The following PALB2 variants were observed in gnomAD, a reference collection of about 807,000 sequenced individuals.
PALB2 encodes partner and localizer of BRCA2, also known as mutant partner and localizer of BRCA2.
PALB2 carries 82 observed loss-of-function variants against 107.4 expected under a neutral mutation model. That is an observed-to-expected ratio of 0.76 (90% CI 0.64 to 0.92). The LOEUF (loss-of-function observed/expected upper bound fraction) is 0.92, where lower values mean the gene tolerates loss of function less well. Ranked by LOEUF, PALB2 falls within the 40% of genes least tolerant of loss-of-function variation. PALB2 has a pLI of 0.00. For synonymous variants in PALB2, 489 were observed against 496.8 expected, an observed-to-expected ratio of 0.98 and a Z score of 0.21; for missense variants, 1,374 against 1,379.9, an observed-to-expected ratio of 1.00 and a Z score of 0.07.
intron 11 of PALB2, among the ~76,000 whole-genome samples, chr16:23,609,457 T>C (rs1359824948): frequency 6.6e-6 from 1 of 152,126 alleles, no homozygotes; most frequent in Non-Finnish European, 1.5e-5. Flanking sequence ...TTTAAAAATG[T>C]TAAATGCTAT....
intron 10 of PALB2, among the ~76,000 whole-genome samples, chr16:23,614,792 AG>A (rs1160941815): frequency 1.0e-4 from 15 of 149,090 alleles, no homozygotes; most frequent in Non-Finnish European, 2.2e-4. Flanking sequence ...CTGGGACTAC[AG>A]GCGCCCGCCA....
At chr16:23,625,732 G>C (rs1966841290) in intron 7 of PALB2, among the ~76,000 whole-genome samples, 1 of 151,748 alleles carries the variant, frequency 6.6e-6, no homozygotes, top group Non-Finnish European at 1.5e-5. Flanking sequence ...GGGCGGCAGA[G>C]GTTGACAGTG....
intron 10 of PALB2, among the ~76,000 whole-genome samples, chr16:23,619,049 T>C (rs1966729029): frequency 6.6e-6 from 1 of 151,368 alleles, no homozygotes; most frequent in Non-Finnish European, 1.5e-5. Context: ...CACCATAGTG[T>C]TTAAAAAAAA....
chr16:23,614,126 C>A lies in PALB2; in HGVS notation c.3114-35G>T, dbSNP rs1342277876. On this transcript the variant is annotated intron_variant, in intron 10 of 12. Transcript: ENST00000261584. ...CAAAAATAAATAAGCTGATCACATT[C>A]TTCCAACAAACCAGTTTTCAGAAAA... 3.5e-6 allele frequency: 5 copies of A among 1,442,580 alleles called. No homozygotes were observed. The East Asian group carries it at 1.1e-4, about 33-fold the overall frequency. The allele number at this position is 1,442,580 out of a possible 1,614,324, so 89.4% of individuals were successfully genotyped here. A position where few individuals can be genotyped will look rare whatever the true frequency, so the allele number is the denominator to read the frequency against.
intron 6 of PALB2, among the ~76,000 whole-genome samples, chr16:23,628,263 A>G (rs1966850872): frequency 6.6e-6 from 1 of 152,246 alleles, no homozygotes; most frequent in Non-Finnish European, 1.5e-5. Flanking sequence ...AATTGACTCA[A>G]GAATAAATTC....
At position 23,636,271 on chromosome 16, in the gene PALB2, G is replaced by C. The variant is rs2142447179; in HGVS notation, c.275C>G (p.Thr92Ser). ...AAGTGTGATAGATGTCTTTTCTCCA[G>C]TTTCTTCATCAAGATGGGTTTTGAT... ...LHIKTHLDEE[T>S]GEKTSITLDV... The change falls in exon 4 of 13, where the codon ACT becomes AGT. Residue 92 changes from threonine to serine, a missense_variant. Coordinates refer to ENST00000261584, the MANE Select transcript of PALB2 (RefSeq NM_024675.4). 1 of 1,613,646 alleles carries C rather than the reference G, an allele frequency of 6.2e-7. No individual in the cohort carries two copies. The highest frequency in any genetic ancestry group is 8.5e-7 in the Non-Finnish European group (1 of 1,179,870).
In PALB2 at chr16:23,607,220, A is replaced by G. The variant is rs1464674794; in HGVS notation, c.3350+644T>C. The G allele has an allele frequency of 2.6e-5, 4 of 152,124 alleles. No individual in the cohort carries two copies. The East Asian group carries it at 7.7e-4, about 29-fold the overall frequency. The allele number at this position is 152,124 out of a possible 1,614,324, so 9.4% of individuals were successfully genotyped here. ...CCTAAAGTACCTTAAATTTTCCTTA[A>G]TTTAGGTTTAGGGAAAGAACACAAA... On this transcript the variant is annotated intron_variant, in intron 12 of 12. Transcript: ENST00000261584.
At chr16:23,608,054 G>A (rs893528524) in intron 11 of PALB2, 42 bp from the exon 12 acceptor site, 1 of 1,589,880 alleles carries the variant, frequency 6.3e-7, no homozygotes, top group African/African-American at 1.3e-5. Context: ...AGACTGTCAA[G>A]AGTATGTCAG....
In PALB2 at chr16:23,635,513, A is replaced by C; in HGVS notation, c.1033T>G (p.Leu345Val). ...TTCTCTGTTTGATTTTGTTCTTTTA[A>C]GTTTTGGTTTTCATTTGCTGGTAAG... is the stretch of plus-strand genomic sequence containing the variant. ...NNLPANENQN[L>V]KEQNQTEKSL... The change falls in exon 4 of 13, where the codon TTA becomes GTA. Residue 345 changes from leucine (L) to valine (V), a missense_variant. Physicochemically the swap from Leu to Val is conservative, Grantham distance 32. Transcript: ENST00000261584. 1 of 1,613,768 alleles carries C rather than the reference A, an allele frequency of 6.2e-7. No homozygotes were observed. Among genetic ancestry groups the C allele is most frequent in the Non-Finnish European group, 8.5e-7 (1 of 1,179,920 alleles).
intron 7 of PALB2, among the ~76,000 whole-genome samples, chr16:23,624,477 A>G (rs1966833041): frequency 1.3e-5 from 2 of 152,244 alleles, no homozygotes; most frequent in Admixed American, 1.3e-4. Context: ...GAGAGCAAGA[A>G]TGAGGTATAT....
intron 11 of PALB2, among the ~76,000 whole-genome samples, chr16:23,609,816 A>T (rs1173633681): frequency 6.6e-6 from 1 of 151,720 alleles, no homozygotes; most frequent in South Asian, 2.1e-4. Context: ...GCGCCTGGCC[A>T]CCCAACACTT....
intron 6 of PALB2, among the ~76,000 whole-genome samples, chr16:23,626,625 T>G (rs1282193006): frequency 6.6e-6 from 1 of 152,114 alleles, no homozygotes; most frequent in Non-Finnish European, 1.5e-5. Flanking sequence ...TTAATTTTAA[T>G]TTTTGGGTGT....
rs975045312 is a variant in PALB2 at position 23,635,769 on chromosome 16, A to T, written c.777T>A (p.Ser259Arg). The T allele has an allele frequency of 6.2e-7, 1 of 1,614,180 alleles. No homozygotes were observed. Among genetic ancestry groups the T allele is most frequent in the Non-Finnish European group, 8.5e-7 (1 of 1,180,016 alleles). ...PLQTLSDSGSSQHLEHIPPKG... is the reference protein window; with the variant it reads ...PLQTLSDSGSRQHLEHIPPKG... ...TAGGAGGAATGTGTTCAAGGTGCTG[A>T]CTACTACCGCTATCTGATAGAGTCT... The change falls in exon 4 of 13, where the codon AGT (serine) becomes AGA (arginine). Residue 259 changes from serine to arginine, a missense_variant. Ser to Arg is a moderately radical substitution (Grantham distance 110). Coordinates refer to ENST00000261584, the MANE Select transcript of PALB2 (RefSeq NM_024675.4).
intron 11 of PALB2, among the ~76,000 whole-genome samples, chr16:23,610,309 CTTTTTT>C (rs200742073): frequency 7.5e-6 from 1 of 133,732 alleles, no homozygotes; most frequent in Admixed American, 7.6e-5. Flanking sequence ...AATGTTATTT[CTTTTTT>C]TTTTTTTTTT....
At chr16:23,621,780 G>A (rs2142329845) in intron 9 of PALB2, among the ~76,000 whole-genome samples, 1 of 152,052 alleles carries the variant, frequency 6.6e-6, no homozygotes, top group Non-Finnish European at 1.5e-5. Flanking sequence ...ACCATCTAAT[G>A]TCCAAGTTTC....
At position 23,621,475 on chromosome 16, in the gene PALB2, G is replaced by A; in HGVS notation, c.3000C>T (p.Gly1000=). ...EVMTFAEDGG[G]KENQFLMPPE... The stretch of plus-strand genomic sequence containing the variant: ...GGGGCATCAAAAATTGGTTTTCTTT[G>A]CCTCTGTAATTAAAACAGTATGAAA... Residue 1000 remains glycine, a synonymous_variant, in exon 10 of 13, where the codon GGC becomes GGT. Transcript: ENST00000261584. 6.2e-7 allele frequency: 1 copy of A among 1,603,742 alleles called. No individual in the cohort carries two copies. Among genetic ancestry groups the A allele is most frequent in the South Asian group, 1.1e-5 (1 of 90,882 alleles).
At position 23,630,364 on chromosome 16, in the gene PALB2, A is replaced by G. The variant is rs786203214; in HGVS notation, c.1790T>C (p.Met597Thr). ...AFTAPFHRDG[M>T]LSLKQLLSFL... ...AGACAGTAGTTGCTTTAAACTCAGC[A>G]TTCCATCCCTATGAAATGGAGCCGT... is the stretch of plus-strand genomic sequence containing the variant. The change falls in exon 5 of 13, where the codon ATG (methionine) becomes ACG (threonine). Residue 597 changes from methionine to threonine, a missense_variant. By Grantham distance (81) the Met-to-Thr change is moderately conservative. Transcript: ENST00000261584. The G allele has an allele frequency of 1.9e-6, 3 of 1,614,164 alleles. No homozygotes were observed. Among genetic ancestry groups the G allele is most frequent in the South Asian group, 2.2e-5 (2 of 91,076 alleles).
intron 8 of PALB2, 37 bp from the exon 9 acceptor site, chr16:23,623,167 G>A (rs762347872): frequency 6.4e-7 from 1 of 1,557,872 alleles, no homozygotes; most frequent in South Asian, 1.1e-5. Context: ...GTGATGTGAG[G>A]AGTAACCTTT....
intron 1 of PALB2, chr16:23,640,803 G>C (rs115829607): frequency 8.8e-6 from 3 of 341,830 alleles, no homozygotes; most frequent in Non-Finnish European, 1.6e-5. Flanking sequence ...GAGGCCGTCC[G>C]GGGGGAGAAG....
Sources: gnomAD v4.1 joint callset for allele counts (sites outside exome capture counted in the v4.1 genomes callset) on GRCh38, gnomAD v4.1.1 for gene constraint, MANE v1.5 for transcripts, NCBI Gene and HGNC (gene_info 2026-07-23, HGNC 2026-07-21) for gene names.